PLAGL1: variants seen among roughly 807,000 people sequenced by gnomAD.
PLAGL1 encodes the protein PLAG1 like zinc finger 1, also known as zinc finger protein PLAGL1.
PLAGL1 carries 1 observed loss-of-function variant against 4.6 expected under a neutral mutation model. That is an observed-to-expected ratio of 0.22 (90% CI 0.08 to 1.03). PLAGL1 has a LOEUF of 1.03. PLAGL1 is among the 50% of genes least tolerant of loss of function. The pLI is 0.58. For missense variants in PLAGL1, 464 were observed against 570.4 expected, an observed-to-expected ratio of 0.81 and a Z score of 1.90; for synonymous variants, 240 against 237.8, an observed-to-expected ratio of 1.01 and a Z score of -0.08.
At chr6:144,058,184 A>G (rs1204190452) in intron 1 of PLAGL1, among the ~76,000 whole-genome samples, 2 of 152,214 alleles carry the variant, frequency 1.3e-5, no homozygotes, top group East Asian at 3.8e-4. Flanking sequence ...GCTCTTACTC[A>G]TGGCAGAAGG....
chr6:144,014,179 C>T (rs1795401631), intron 1 of PLAGL1, among the ~76,000 whole-genome samples: 1 of 152,108 alleles, frequency 6.6e-6, no homozygotes, highest in South Asian at 2.1e-4. Flanking sequence ...CACCTGTATC[C>T]CAGCAATTTG....
chr6:144,002,163 T>C (rs896463406), intron 1 of PLAGL1, among the ~76,000 whole-genome samples: 2 of 152,206 alleles, frequency 1.3e-5, no homozygotes, highest in African/African-American at 4.8e-5. Context: ...CACTGCACTA[T>C]CTTTGCAATT....
Position 143,964,244 on chromosome 6 carries a change from C to G in PLAGL1, c.-399+543G>C, listed in dbSNP as rs925533734. On this transcript the variant is annotated intron_variant, in intron 5 of 7. Coordinates refer to ENST00000674357, the MANE Select transcript of PLAGL1 (RefSeq NM_001317162.2). This position sits in a 1 kb window ranked among gnomAD's most constrained non-coding sequence, Gnocchi z 4.3. ...CAGACCTGAGGCAGGAGGTTTCCAG[C>G]CCTCACTGGCGGCCCTGGGGCAGAC... 6.6e-6 allele frequency among the ~76,000 whole-genome samples: 1 copy of G among 151,896 alleles called. No homozygotes were observed. The highest frequency in any genetic ancestry group is 2.4e-5 in the African/African-American group (1 of 41,290).
At chr6:144,023,699 G>A (rs1471113271) in intron 1 of PLAGL1, among the ~76,000 whole-genome samples, 1 of 150,922 alleles carries the variant, frequency 6.6e-6, no homozygotes, top group Non-Finnish European at 1.5e-5. Context: ...AGATAAGCAA[G>A]AGGGGAAAGC....
At position 144,055,368 on chromosome 6, in the gene PLAGL1, G is replaced by A. The variant is rs1229435375; in HGVS notation, c.-151+9100C>T. ...CAACCCACCATGACTTGCTGTGCTT[G>A]TTATACAAAACCACACTGGCATTCT... On this transcript the variant is annotated intron_variant, in intron 1 of 3. Transcript: ENST00000437412. The surrounding 1 kb of genome is among the most constrained non-coding windows in gnomAD (Gnocchi z 5.0). 6.6e-6 allele frequency among the ~76,000 whole-genome samples: 1 copy of A among 152,178 alleles called. No homozygotes were observed. The highest frequency in any genetic ancestry group is 2.4e-5 in the African/African-American group (1 of 41,430).
At chr6:144,054,821 G>GTGTGTT (rs1554282665) in intron 1 of PLAGL1, among the ~76,000 whole-genome samples, 5 of 143,868 alleles carry the variant, frequency 3.5e-5, no homozygotes, top group African/African-American at 7.8e-5. Context: ...GTGTGTGTGT[G>GTGTGTT]TTCATGTGTA....
At chr6:143,967,429 T>C (rs1309222752) in intron 3 of PLAGL1, 1 of 152,190 alleles carries the variant, frequency 6.6e-6, no homozygotes, top group Non-Finnish European at 1.5e-5. Context: ...ATCATGTTTC[T>C]TTAATGTGGA....
chr6:144,026,217 T>C (rs530473575), intron 1 of PLAGL1, among the ~76,000 whole-genome samples: 101 of 152,300 alleles, frequency 6.6e-4, no homozygotes, highest in African/African-American at 2.3e-3. Flanking sequence ...ATGCAATTCT[T>C]AATACAGATT....
chr6:144,011,764 T>G (rs916156589), upstream of PLAGL1, among the ~76,000 whole-genome samples: 1 of 152,210 alleles, frequency 6.6e-6, no homozygotes, highest in African/African-American at 2.4e-5. This position sits in a 1 kb window ranked among gnomAD's most constrained non-coding sequence, Gnocchi z 4.3. Flanking sequence ...GAACTCAACC[T>G]TCACATCTGA....
Position 144,039,197 on chromosome 6 carries a change from A to G in PLAGL1, c.-151+25271T>C, listed in dbSNP as rs1304705531. The stretch of plus-strand genomic sequence containing the variant: ...CAAAAGAAAAATGGGCAAGGCATAT[A>G]AACAGGTGTTTTACTGAAGAATAAA... On this transcript the variant is annotated intron_variant, in intron 1 of 3. Coordinates refer to the PLAGL1 transcript ENST00000437412. The surrounding 1 kb of genome is among the most constrained non-coding windows in gnomAD (Gnocchi z 4.1). Among the ~76,000 whole-genome samples, 3 of 152,256 alleles carry G rather than the reference A, an allele frequency of 2.0e-5. No homozygotes were observed. The highest frequency in any genetic ancestry group is 4.4e-5 in the Non-Finnish European group (3 of 68,036).
Position 144,027,062 on chromosome 6 carries a change from A to G in PLAGL1, c.-151+37406T>C, listed in dbSNP as rs932945275. Among the ~76,000 whole-genome samples the G allele has an allele frequency of 4.6e-5, 7 of 151,832 alleles. No homozygotes were observed. Among genetic ancestry groups the G allele is most frequent in the Non-Finnish European group, 1.0e-4 (7 of 67,974 alleles). On this transcript the variant is annotated intron_variant, in intron 1 of 3. Coordinates refer to the PLAGL1 transcript ENST00000437412. The surrounding 1 kb of genome is among the most constrained non-coding windows in gnomAD (Gnocchi z 5.8). ...CCCCACCCCCCGACTCTACAAAAAC[A>G]AAATTAAAAAAATTAGTCAGCCGCG...
intron 1 of PLAGL1, among the ~76,000 whole-genome samples, chr6:144,042,233 G>A (rs915790913): frequency 1.3e-5 from 2 of 152,144 alleles, no homozygotes; most frequent in East Asian, 3.8e-4. Flanking sequence ...TGGTGTTTTA[G>A]TCATGAAGTC....
chr6:144,060,347 C>T (rs1799297899), intron 1 of PLAGL1, among the ~76,000 whole-genome samples: 1 of 152,218 alleles, frequency 6.6e-6, no homozygotes, highest in African/African-American at 2.4e-5. Context: ...CTGGGCCAGC[C>T]TGTGTCACAG....
chr6:143,987,437 C>CTTTTTTTTTTT lies in PLAGL1; in HGVS notation c.-583-2274_-583-2264dup, dbSNP rs71024883. ...GATCTGGCATGTGCCACCACACTGG[C>CTTTTTTTTTTT]TTTTTTTTTTTTTTTTTTTTTTTGG... On this transcript the variant is annotated intron_variant, in intron 1 of 7. Transcript: ENST00000674357. Among the ~76,000 whole-genome samples, 51 of 73,946 alleles carry CTTTTTTTTTTT rather than the reference C, an allele frequency of 6.9e-4. 5 individuals are homozygous for CTTTTTTTTTTT. The highest frequency in any genetic ancestry group is 1.4e-3 in the South Asian group (2 of 1,476). The allele number at this position is 73,946 out of a possible 152,430, so 48.5% of individuals were successfully genotyped here. A position where few individuals can be genotyped will look rare whatever the true frequency, so the allele number is the denominator to read the frequency against.
In PLAGL1 at chr6:143,957,318, G is replaced by A. The variant is rs2128547422; in HGVS notation, c.-325+3151C>T. Among the ~76,000 whole-genome samples, 1 of 152,290 alleles carries A rather than the reference G, an allele frequency of 6.6e-6. No individual in the cohort carries two copies. Among genetic ancestry groups the A allele is most frequent in the East Asian group, 1.9e-4 (1 of 5,172 alleles). On this transcript the variant is annotated intron_variant, in intron 6 of 7. Coordinates refer to ENST00000674357, the MANE Select transcript of PLAGL1 (RefSeq NM_001317162.2). This position sits in a 1 kb window ranked among gnomAD's most constrained non-coding sequence, Gnocchi z 4.2. ...GTCTGGTGGGGGGGTGAGGGGTGGA[G>A]AGCAACTCCCAAAATCCAGACAAGA...
intron 1 of PLAGL1, among the ~76,000 whole-genome samples, chr6:144,038,782 T>C (rs976196041): frequency 1.3e-5 from 2 of 152,184 alleles, no homozygotes; most frequent in South Asian, 4.1e-4. Flanking sequence ...AGTAGCCAAA[T>C]CTAGAGAGAC....
chr6:143,986,118 T>C (rs1439537333), intron 1 of PLAGL1, among the ~76,000 whole-genome samples: 1 of 151,086 alleles, frequency 6.6e-6, no homozygotes, highest in African/African-American at 2.4e-5. Context: ...GTCAAACAAC[T>C]AGCAAGTGGC....
rs946094327 is a variant in PLAGL1, at chr6:144,013,887, C to T, written c.-150-44909G>A. Among the ~76,000 whole-genome samples the T allele has an allele frequency of 1.3e-5, 2 of 152,168 alleles. No homozygotes were observed. Among genetic ancestry groups the T allele is most frequent in the African/African-American group, 4.8e-5 (2 of 41,446 alleles). ...TCTGCAAAGACCCTTTTATTCAACT[C>T]AGGTTACATTCTGAGATTCCAGAGA... On this transcript the variant is annotated intron_variant, in intron 1 of 3. Transcript: ENST00000437412. This position sits in a 1 kb window ranked among gnomAD's most constrained non-coding sequence, Gnocchi z 4.4.
In PLAGL1 at chr6:143,941,430, G is replaced by A. The variant is rs1778546160; in HGVS notation, c.1386C>T (p.Phe462=). ...AATACACTTTAAAAATCAATTATCT[G>A]AATGCATGATGGAAATGAGGCAGGA... ...SAILPHFHHA[F]R The change falls in exon 8 of 8, where the codon TTC becomes TTT. Residue 462 remains phenylalanine (F), a synonymous_variant. Coordinates refer to ENST00000674357, the MANE Select transcript of PLAGL1 (RefSeq NM_001317162.2). This position sits in a 1 kb window ranked among gnomAD's most constrained non-coding sequence, Gnocchi z 6.0. 4 of 1,497,370 alleles carry A rather than the reference G, an allele frequency of 2.7e-6. No individual in the cohort carries two copies. The highest frequency in any genetic ancestry group is 3.6e-6 in the Non-Finnish European group (4 of 1,123,032). 92.8% of individuals were successfully genotyped at this position (1,497,370 alleles called of 1,614,324 possible).
Sources: gnomAD v4.1 joint callset for allele counts (sites outside exome capture counted in the v4.1 genomes callset) on GRCh38, gnomAD v4.1.1 for gene constraint, Gnocchi (gnomAD v3.1) non-coding constraint, MANE v1.5 for transcripts, NCBI Gene and HGNC (gene_info 2026-07-23, HGNC 2026-07-21) for gene names.